NME7: variants seen among roughly 807,000 people sequenced by gnomAD.
NME7 encodes nucleoside diphosphate kinase 7.
Under a neutral mutation model 49.1 loss-of-function variants are expected in NME7, and 41 were observed. The observed-to-expected ratio is 0.83, with a 90% CI of 0.65 to 1.08. The LOEUF (loss-of-function observed/expected upper bound fraction) is 1.08. Ranked by LOEUF, NME7 falls within the 50% of genes least tolerant of loss-of-function variation. The pLI, the probability that NME7 is intolerant of heterozygous loss-of-function variation, is 0.00. For missense variants in NME7, 423 were observed against 463.4 expected (o/e 0.91, Z 0.80); for synonymous variants, 139 against 150.6 (o/e 0.92, Z 0.56).
At chr1:169,241,449 G>T (rs1388543698) in intron 7 of NME7, among the ~76,000 whole-genome samples, 1 of 151,720 alleles carries the variant, frequency 6.6e-6, no homozygotes, top group Non-Finnish European at 1.5e-5. Flanking sequence ...TCTCATTAAT[G>T]ATAATAAAAA....
At chr1:169,308,140 A>C (rs1342735124) in intron 4 of NME7, among the ~76,000 whole-genome samples, 1 of 152,208 alleles carries the variant, frequency 6.6e-6, no homozygotes, top group African/African-American at 2.4e-5. Flanking sequence ...CTGTGCTCTG[A>C]AATGTAAGCC....
At chr1:169,287,514 C>T in intron 6 of NME7, 106 bp from the exon 7 acceptor site, 1 of 831,286 alleles carries the variant, frequency 1.2e-6, no homozygotes. Flanking sequence ...AGAGTTTCAT[C>T]ATATAAATTT....
chr1:169,367,587 A>G, intron 1 of NME7, 121 bp downstream of exon 1: 1 of 1,087,046 alleles, frequency 9.2e-7, no homozygotes, highest in African/African-American at 1.5e-5. Context: ...GAAGGGGGAA[A>G]GAGATAACGG....
intron 7 of NME7, among the ~76,000 whole-genome samples, chr1:169,270,471 A>T (rs1649455834): frequency 7.5e-6 from 1 of 134,048 alleles, no homozygotes; most frequent in Non-Finnish European, 1.8e-5. Flanking sequence ...GGGGAAAAAA[A>T]TTAAAGCACT....
intron 10 of NME7, among the ~76,000 whole-genome samples, chr1:169,181,125 CCTATCTATTTATCTATCTAT>C (rs994484932): frequency 3.7e-5 from 4 of 106,680 alleles, no homozygotes; most frequent in African/African-American, 1.1e-4. Flanking sequence ...AGGCTATAAT[CCTATCTATTTATCTATCTAT>C]CTATCTATCT....
At chr1:169,331,024 C>T (rs201875482) in intron 1 of NME7, among the ~76,000 whole-genome samples, 1 of 152,076 alleles carries the variant, frequency 6.6e-6, no homozygotes, top group Admixed American at 6.6e-5. Flanking sequence ...AATAAAACTA[C>T]AGGTCAATAT....
intron 10 of NME7, among the ~76,000 whole-genome samples, chr1:169,223,140 T>C (rs116792867): frequency 0.013 from 1,986 of 152,326 alleles, 43 homozygotes; most frequent in African/African-American, 0.043. Flanking sequence ...TTAGAGGCCA[T>C]GGGCATGTCA....
Position 169,221,247 on chromosome 1 carries a change from C to T in NME7, c.990+9471G>A, listed in dbSNP as rs550838188. ...CCTGGATTATAACTTCCACTCTTGTCTTTAGACTATTCTCAATACACTAGT... is the reference window on the plus strand; with the variant it reads ...CCTGGATTATAACTTCCACTCTTGTTTTTAGACTATTCTCAATACACTAGT... On this transcript the variant is annotated intron_variant, in intron 10 of 11. Coordinates refer to ENST00000367811, the MANE Select transcript of NME7 (RefSeq NM_013330.5). Among the ~76,000 whole-genome samples, 10 of 152,304 alleles carry T rather than the reference C, an allele frequency of 6.6e-5. 1 individual carries two copies. In the South Asian group the frequency reaches 2.1e-3, roughly 32 times the overall value.
intron 1 of NME7, among the ~76,000 whole-genome samples, chr1:169,341,222 T>C (rs965784156): frequency 1.3e-5 from 2 of 152,106 alleles, no homozygotes; most frequent in Non-Finnish European, 2.9e-5. Context: ...TCTCAGTCAC[T>C]CCAGCTCAAG....
At chr1:169,280,347 T>C (rs948752640) in intron 7 of NME7, among the ~76,000 whole-genome samples, 1 of 152,206 alleles carries the variant, frequency 6.6e-6, no homozygotes, top group African/African-American at 2.4e-5. Flanking sequence ...TTGTAGATTC[T>C]AGATATTAGC....
chr1:169,268,994 A>G lies in NME7; in HGVS notation c.754+18309T>C, dbSNP rs1217987948. ...AATTAAATTTAAAAAATATTTTAGG[A>G]TAGTTTGTTATACAGCAATAATATC... is the stretch of plus-strand genomic sequence containing the variant. On this transcript the variant is annotated intron_variant, in intron 7 of 11. Coordinates refer to ENST00000367811, the MANE Select transcript of NME7 (RefSeq NM_013330.5). Among the ~76,000 whole-genome samples, 2 of 133,700 alleles carry G rather than the reference A, an allele frequency of 1.5e-5. 1 individual carries two copies. The highest frequency in any genetic ancestry group is 1.5e-4 in the Admixed American group (2 of 13,566). The allele number at this position is 133,700 out of a possible 152,430, so 87.7% of individuals were successfully genotyped here.
At chr1:169,169,226 G>A (rs920281174) in intron 11 of NME7, 3 of 454,784 alleles carry the variant, frequency 6.6e-6, no homozygotes, top group Non-Finnish European at 1.2e-5. Flanking sequence ...GGATAGGGGA[G>A]GGATAACATT....
chr1:169,164,812 T>A (rs2101838185), intron 11 of NME7, among the ~76,000 whole-genome samples: 1 of 152,318 alleles, frequency 6.6e-6, no homozygotes, highest in East Asian at 1.9e-4. Context: ...TCCTAAGAAG[T>A]AGAATTCTGG....
chr1:169,206,186 C>T (rs557802184), intron 10 of NME7, among the ~76,000 whole-genome samples: 19 of 152,232 alleles, frequency 1.2e-4, no homozygotes, highest in African/African-American at 4.3e-4. Context: ...TGTTTCCCCC[C>T]AACTAGAACG....
intron 5 of NME7, among the ~76,000 whole-genome samples, chr1:169,299,287 C>A (rs1319976896): frequency 6.6e-6 from 1 of 151,886 alleles, no homozygotes; most frequent in African/African-American, 2.4e-5. Flanking sequence ...AAAAAATCCC[C>A]AGCAGGCTTC....
intron 7 of NME7, among the ~76,000 whole-genome samples, chr1:169,276,212 A>T (rs137927483): frequency 0.057 from 7,642 of 133,824 alleles, 2,050 homozygotes; most frequent in Non-Finnish European, 0.1. Flanking sequence ...AAAATGAGTT[A>T]GGGAGGATTC....
intron 10 of NME7, among the ~76,000 whole-genome samples, chr1:169,213,611 A>T (rs1220678702): frequency 6.6e-6 from 1 of 152,090 alleles, no homozygotes; most frequent in Non-Finnish European, 1.5e-5. Context: ...TTAAGTACAG[A>T]ATTATAACCA....
At position 169,132,732 on chromosome 1, in the gene NME7, G is replaced by A. The variant is rs1042292639; in HGVS notation, c.*53C>T. The A allele has an allele frequency of 2.6e-6, 4 of 1,521,358 alleles. No homozygotes were observed. In the East Asian group the frequency reaches 9.1e-5, roughly 34 times the overall value. The allele number at this position is 1,521,358 out of a possible 1,614,324, so 94.2% of individuals were successfully genotyped here. Reference sequence around the variant, plus strand: ...AAGAATGAACACATTCCTCGTGTGTGATTCACTCTTGTCTAAATGTCCCAA... The same window carrying A: ...AAGAATGAACACATTCCTCGTGTGTAATTCACTCTTGTCTAAATGTCCCAA... On this transcript the variant is annotated 3_prime_UTR_variant, in exon 12 of 12. Coordinates refer to ENST00000367811, the MANE Select transcript of NME7 (RefSeq NM_013330.5).
chr1:169,199,365 A>C (rs1046602202), intron 10 of NME7, among the ~76,000 whole-genome samples: 6 of 151,528 alleles, frequency 4.0e-5, no homozygotes, highest in Non-Finnish European at 8.8e-5. Flanking sequence ...AAGTTTTCAA[A>C]GGATACCACA....
Sources: gnomAD v4.1 joint callset for allele counts (sites outside exome capture counted in the v4.1 genomes callset) on GRCh38, gnomAD v4.1.1 for gene constraint, MANE v1.5 for transcripts, NCBI Gene and HGNC (gene_info 2026-07-23, HGNC 2026-07-21) for gene names.